The following CEP76 variants were observed in gnomAD, a reference collection of about 807,000 sequenced individuals.
CEP76 encodes centrosomal protein of 76 kDa.
Under a neutral mutation model 83.3 loss-of-function variants are expected in CEP76, and 55 were observed. The ratio of observed to expected loss-of-function variants is 0.66; its 90% CI spans 0.53 to 0.83. The LOEUF (loss-of-function observed/expected upper bound fraction) is 0.83. Among genes scored for constraint, CEP76 ranks in the 40% least tolerant of loss-of-function variants. The pLI, the probability that CEP76 is intolerant of heterozygous loss-of-function variation, is 0.00. For missense variants in CEP76, 694 were observed against 799.5 expected (o/e 0.87, Z 1.59); for synonymous variants, 270 against 274.5 (o/e 0.98, Z 0.16).
chr18:12,679,698 A>G (rs541994797), intron 9 of CEP76, among the ~76,000 whole-genome samples: 2 of 152,244 alleles, frequency 1.3e-5, no homozygotes, highest in South Asian at 4.1e-4. Flanking sequence ...TGGTAACCAC[A>G]TCAAATTTTA....
chr18:12,680,715 C>T lies in CEP76; in HGVS notation c.1236G>A (p.Met412Ile). The T allele has an allele frequency of 6.2e-7, 1 of 1,613,614 alleles. No individual in the cohort carries two copies. The highest frequency in any genetic ancestry group is 8.5e-7 in the Non-Finnish European group (1 of 1,179,850). The change falls in exon 9 of 12, where the codon ATG (methionine) becomes ATA (isoleucine). Residue 412 changes from methionine to isoleucine, a missense_variant. By Grantham distance (10) the Met-to-Ile change is conservative (BLOSUM62 1). Coordinates refer to ENST00000262127, the MANE Select transcript of CEP76 (RefSeq NM_024899.4). ...TGATGGCCCCATCAGTTCCACAAGT[C>T]ATAACCCATGCATGAGGTACTCCTT... ...KAKGVPHAWV[M>I]TCGTDGAITF...
chr18:12,700,046 A>AATTAG (rs1598668058), intron 2 of CEP76, 141 bp from the exon 3 acceptor site: 1 of 455,954 alleles, frequency 2.2e-6, no homozygotes, highest in East Asian at 3.5e-5. Flanking sequence ...TCCTAGCCTA[A>AATTAG]TTAAAATAAT....
At chr18:12,674,864 C>A in intron 10 of CEP76, 111 bp from the exon 11 acceptor site, 1 of 568,152 alleles carries the variant, frequency 1.8e-6, no homozygotes, top group Non-Finnish European at 2.9e-6. Flanking sequence ...TTTTTAAAAG[C>A]TATCATAATA....
At chr18:12,662,103 C>T (rs1387681914) in exon 13 of CEP76, 9 of 434,754 alleles carry the variant, frequency 2.1e-5, no homozygotes, top group Non-Finnish European at 4.1e-5. Flanking sequence ...TCAGGGAGCA[C>T]CATCACTGTG....
chr18:12,680,940 T>C, intron 8 of CEP76, 112 bp from the exon 9 acceptor site: 1 of 997,878 alleles, frequency 1.0e-6, no homozygotes, highest in Non-Finnish European at 1.4e-6. Context: ...GGCTCACGCC[T>C]GTAATCCCAA....
At chr18:12,682,811 A>G (rs993896353) in intron 8 of CEP76, among the ~76,000 whole-genome samples, 2 of 151,308 alleles carry the variant, frequency 1.3e-5, no homozygotes, top group Non-Finnish European at 2.9e-5. Context: ...TAGTAGAGAG[A>G]GAGTTTCATC....
At chr18:12,701,224 T>A in intron 1 of CEP76, 111 bp from the exon 2 acceptor site, 1 of 733,790 alleles carries the variant, frequency 1.4e-6, no homozygotes, top group Non-Finnish European at 2.3e-6. Context: ...TTACCACAAT[T>A]GAATGGGAAC....
intron 8 of CEP76, among the ~76,000 whole-genome samples, chr18:12,681,774 T>C (rs2039357743): frequency 6.6e-6 from 1 of 152,184 alleles, no homozygotes; most frequent in African/African-American, 2.4e-5. Context: ...TTCCACTCTT[T>C]TTCCAGATTT....
At chr18:12,686,148 G>T in intron 8 of CEP76, 114 bp downstream of exon 8, 1 of 738,274 alleles carries the variant, frequency 1.4e-6, no homozygotes. Flanking sequence ...GAACCTGTGG[G>T]TACAGAGGGT....
chr18:12,694,966 C>T (rs1013255934), intron 6 of CEP76, among the ~76,000 whole-genome samples: 2 of 151,984 alleles, frequency 1.3e-5, no homozygotes, highest in African/African-American at 2.4e-5. Flanking sequence ...CCGCCCGCCT[C>T]GGCCTCCCAA....
chr18:12,689,530 G>A (rs1356023097), intron 7 of CEP76, among the ~76,000 whole-genome samples: 5 of 152,146 alleles, frequency 3.3e-5, no homozygotes, highest in Non-Finnish European at 7.3e-5. Flanking sequence ...ACTAAATTAC[G>A]TTCTATGGTT....
At chr18:12,696,784 A>T (rs1430106858) in intron 5 of CEP76, among the ~76,000 whole-genome samples, 3 of 152,062 alleles carry the variant, frequency 2.0e-5, no homozygotes, top group African/African-American at 7.2e-5. Flanking sequence ...TCCGAGTCTC[A>T]CTCACCCACA....
intron 7 of CEP76, among the ~76,000 whole-genome samples, chr18:12,690,550 G>T (rs551029065): frequency 2.0e-5 from 3 of 151,804 alleles, no homozygotes; most frequent in Non-Finnish European, 4.4e-5. Flanking sequence ...CCGCCTCCCG[G>T]GTTCACGCCA....
Position 12,691,454 on chromosome 18 carries a change from CTT to C in CEP76, c.836_837del (p.Lys279ArgfsTer9). The C allele has an allele frequency of 1.2e-6, 2 of 1,605,460 alleles. No homozygotes were observed. Among genetic ancestry groups the C allele is most frequent in the Non-Finnish European group, 1.7e-6 (2 of 1,176,530 alleles). ...TTAGCATATACAAGAAATAATCGCTCTTTCTCTGCAGTTTTCTGACGTTCCAA... is the reference window on the plus strand; with the variant it reads ...TTAGCATATACAAGAAATAATCGCTCTCTCTGCAGTTTTCTGACGTTCCAA... ...LALERQKTAE[K>X]ERLFLVYAKQ... On this transcript the variant is annotated frameshift_variant, in exon 7 of 12. Coordinates refer to ENST00000262127, the MANE Select transcript of CEP76 (RefSeq NM_024899.4). LOFTEE classifies it high-confidence loss of function.
intron 6 of CEP76, among the ~76,000 whole-genome samples, chr18:12,694,589 C>A (rs1189661819): frequency 1.3e-5 from 2 of 152,190 alleles, no homozygotes; most frequent in Non-Finnish European, 2.9e-5. Flanking sequence ...CCTGAGAGAA[C>A]AGAGCAGAAA....
chr18:12,689,377 T>G (rs991780342), intron 7 of CEP76, among the ~76,000 whole-genome samples: 1 of 152,160 alleles, frequency 6.6e-6, no homozygotes, highest in Non-Finnish European at 1.5e-5. Context: ...AAGGCACCAG[T>G]TGAAACTCCA....
At chr18:12,669,457 A>C (rs532537224), downstream of CEP76, among the ~76,000 whole-genome samples, 1 of 151,956 alleles carries the variant, frequency 6.6e-6, no homozygotes. Context: ...TATGTTGACC[A>C]GGCTGTGCTC....
intron 7 of CEP76, among the ~76,000 whole-genome samples, chr18:12,691,000 GTTAA>G (rs943809108): frequency 6.6e-5 from 10 of 151,516 alleles, no homozygotes; most frequent in African/African-American, 2.2e-4. Context: ...TGTCCAAATG[GTTAA>G]TTATTTAGCA....
downstream of CEP76, chr18:12,670,554 T>G (rs1313865107): frequency 6.6e-6 from 1 of 152,234 alleles, no homozygotes; most frequent in Non-Finnish European, 1.5e-5. Flanking sequence ...TAATATAGTC[T>G]GTCTCTTAGT....
Sources: gnomAD v4.1 joint callset for allele counts (sites outside exome capture counted in the v4.1 genomes callset) on GRCh38, gnomAD v4.1.1 for gene constraint, MANE v1.5 for transcripts, NCBI Gene and HGNC (gene_info 2026-07-23, HGNC 2026-07-21) for gene names.